LINGO2: variants seen among roughly 807,000 people sequenced by gnomAD.
The protein encoded by LINGO2 is leucine rich repeat and Ig domain containing 2.
In LINGO2, 14 loss-of-function variants were observed where a neutral mutation model predicts 30.6. The observed-to-expected ratio is 0.46, with a 90% CI of 0.30 to 0.72. LINGO2 has a LOEUF of 0.72. LINGO2 is among the 30% of genes least tolerant of loss of function. The pLI is 0.07. For missense variants in LINGO2, 729 were observed against 751.7 expected (o/e 0.97, Z 0.35); for synonymous variants, 317 against 288.5 (o/e 1.10, Z -1.00).
chr9:29,084,374 G>T, the LINGO2 span, among the ~76,000 whole-genome samples: 1 of 151,988 alleles, frequency 6.6e-6, no homozygotes, highest in African/African-American at 2.4e-5. Flanking sequence ...ACAGTAAAAG[G>T]AACACCTATT....
intron 3 of LINGO2, among the ~76,000 whole-genome samples, chr9:28,307,789 GACAA>G (rs1167617261): frequency 1.3e-4 from 20 of 152,132 alleles, no homozygotes; most frequent in African/African-American, 3.9e-4. Context: ...ACCAATAACA[GACAA>G]ACAGAGAGCC....
chr9:28,143,823 A>G (rs1181965236), intron 4 of LINGO2, among the ~76,000 whole-genome samples: 2 of 152,170 alleles, frequency 1.3e-5, no homozygotes, highest in African/African-American at 4.8e-5. Context: ...AAGGAAACCA[A>G]TAACTCAAGT....
chr9:28,138,531 G>A (rs1265623096), intron 4 of LINGO2, among the ~76,000 whole-genome samples: 1 of 152,172 alleles, frequency 6.6e-6, no homozygotes, highest in East Asian at 1.9e-4. Flanking sequence ...GATGTAGTGA[G>A]ATAATGTAAT....
intron 5 of LINGO2, among the ~76,000 whole-genome samples, chr9:27,955,598 A>G (rs1278044637): frequency 6.6e-6 from 1 of 152,044 alleles, no homozygotes; most frequent in Non-Finnish European, 1.5e-5. Context: ...TTCACTCAGC[A>G]TGTTTTTGAG....
At chr9:27,978,278 C>G (rs1373451699) in intron 5 of LINGO2, among the ~76,000 whole-genome samples, 1 of 152,058 alleles carries the variant, frequency 6.6e-6, no homozygotes, top group East Asian at 1.9e-4. Context: ...TGGAGGGACA[C>G]TGAACATGTG....
the LINGO2 span, among the ~76,000 whole-genome samples, chr9:28,746,945 T>C: frequency 2.0e-5 from 3 of 152,028 alleles, no homozygotes; most frequent in African/African-American, 7.3e-5. Context: ...ACTGAATGAC[T>C]ATATGTCACA....
intron 4 of LINGO2, among the ~76,000 whole-genome samples, chr9:28,232,598 C>T (rs1354427639): frequency 6.6e-6 from 1 of 152,042 alleles, no homozygotes; most frequent in African/African-American, 2.4e-5. Context: ...CATAACTCAT[C>T]ATTATTTTGT....
At chr9:28,008,239 T>A (rs976868130) in intron 5 of LINGO2, among the ~76,000 whole-genome samples, 3 of 152,190 alleles carry the variant, frequency 2.0e-5, no homozygotes, top group Non-Finnish European at 2.9e-5. Flanking sequence ...ATGATTCTCT[T>A]ATGATGTTTC....
At chr9:28,474,079 A>T (rs531566761) in intron 2 of LINGO2, among the ~76,000 whole-genome samples, 13 of 152,306 alleles carry the variant, frequency 8.5e-5, no homozygotes, top group African/African-American at 2.9e-4. Flanking sequence ...GCACATGTAA[A>T]TATTTGGATC....
chr9:28,701,991 A>C, the LINGO2 span, among the ~76,000 whole-genome samples: 1 of 151,946 alleles, frequency 6.6e-6, no homozygotes, highest in Non-Finnish European at 1.5e-5. Flanking sequence ...CTTGGTATAA[A>C]CACTTATGAG....
intron 1 of LINGO2, among the ~76,000 whole-genome samples, chr9:28,585,594 G>A (rs1824492128): frequency 2.0e-5 from 3 of 152,104 alleles, no homozygotes; most frequent in Admixed American, 1.3e-4. Context: ...ACTGTAGGCT[G>A]ACGTAAGTGT....
intron 3 of LINGO2, among the ~76,000 whole-genome samples, chr9:28,364,056 G>A (rs1820561347): frequency 6.6e-6 from 1 of 151,530 alleles, no homozygotes; most frequent in Admixed American, 6.6e-5. Context: ...AGTCATGTGA[G>A]TTACCAGGAG....
intron 3 of LINGO2, among the ~76,000 whole-genome samples, chr9:28,356,241 T>A (rs922450981): frequency 6.6e-6 from 1 of 152,116 alleles, no homozygotes; most frequent in East Asian, 1.9e-4. Context: ...TTAAAAAAAA[T>A]CATTGAATAT....
intron 4 of LINGO2, among the ~76,000 whole-genome samples, chr9:28,111,032 T>C (rs9722491): frequency 0.039 from 5,874 of 152,232 alleles, 190 homozygotes; most frequent in Admixed American, 0.082. Context: ...GTGGCACATA[T>C]ATATCATGGA....
intron 1 of LINGO2, among the ~76,000 whole-genome samples, chr9:28,661,286 A>T (rs1203058529): frequency 6.6e-6 from 1 of 152,156 alleles, no homozygotes; most frequent in African/African-American, 2.4e-5. Context: ...TATGTGACCC[A>T]GTCACTCCTG....
At chr9:28,605,122 A>T (rs983384378) in intron 1 of LINGO2, among the ~76,000 whole-genome samples, 1 of 152,086 alleles carries the variant, frequency 6.6e-6, no homozygotes, top group Non-Finnish European at 1.5e-5. Flanking sequence ...TCTAGTTTAA[A>T]TTTAGAAAAA....
At chr9:28,208,583 C>A (rs1041970808) in intron 4 of LINGO2, among the ~76,000 whole-genome samples, 2 of 152,094 alleles carry the variant, frequency 1.3e-5, no homozygotes, top group African/African-American at 4.8e-5. Context: ...CCTCCCCTTT[C>A]TTTCACTGTA....
At chr9:28,939,729 T>C in the LINGO2 span, among the ~76,000 whole-genome samples, 1 of 152,118 alleles carries the variant, frequency 6.6e-6, no homozygotes, top group Non-Finnish European at 1.5e-5. Flanking sequence ...TCAAGGTAAA[T>C]ACAGCAACTG....
At chr9:28,504,621 TTCA>T (rs1820028945) in intron 1 of LINGO2, among the ~76,000 whole-genome samples, 1 of 151,748 alleles carries the variant, frequency 6.6e-6, no homozygotes, top group Admixed American at 6.6e-5. Flanking sequence ...ATGCATTAGC[TTCA>T]TCATTAAAAA....
Sources: allele counts gnomAD v4.1 joint callset (sites outside exome capture counted in the v4.1 genomes callset), GRCh38; gene constraint gnomAD v4.1.1; transcripts MANE v1.5; gene names NCBI Gene and HGNC (gene_info 2026-07-23, HGNC 2026-07-21).